Variants in RIMS1 observed in about 807,000 individuals in gnomAD.
RIMS1 encodes the protein regulating synaptic membrane exocytosis 1.
A neutral mutation model predicts 214.1 loss-of-function variants in RIMS1; 83 were observed. The ratio of observed to expected loss-of-function variants is 0.39; its 90% CI spans 0.32 to 0.47. RIMS1 has a LOEUF of 0.47. Among genes scored for constraint, RIMS1 ranks in the 20% least tolerant of loss-of-function variants. The probability of loss-of-function intolerance (pLI) is 0.99; values close to 1 mark genes in which losing one functional copy is unlikely to be tolerated. For synonymous variants in RIMS1, 793 were observed against 786.8 expected (o/e 1.01, Z -0.13); for missense variants, 2,050 against 2,161.8 (o/e 0.95, Z 1.03).
chr6:72,262,952 A>G (rs2078722446), intron 19 of RIMS1: 1 of 475,640 alleles, frequency 2.1e-6, no homozygotes, highest in Non-Finnish European at 2.7e-6. Flanking sequence ...GACAATAATT[A>G]TATGTTATGA....
In RIMS1 at chr6:72,284,079, A is replaced by G. The variant is rs772247587; in HGVS notation, c.3515A>G (p.Gln1172Arg). 1.2e-6 allele frequency: 2 copies of G among 1,612,440 alleles called. No individual in the cohort carries two copies. The highest frequency in any genetic ancestry group is 2.2e-5 in the East Asian group (1 of 44,840). ...AGAAAGTCTGAAAGATCTAGCATCCAAAAACAGACTAGGAAAGGCACTGCC... is the reference window on the plus strand; with the variant it reads ...AGAAAGTCTGAAAGATCTAGCATCCGAAAACAGACTAGGAAAGGCACTGCC... ...HSRKSERSSIQKQTRKGTASD... is the reference protein window; with the variant it reads ...HSRKSERSSIRKQTRKGTASD... The change falls in exon 24 of 34, where the codon CAA becomes CGA. Residue 1172 changes from glutamine to arginine, a missense_variant. Physicochemically the swap from Gln to Arg is conservative, Grantham distance 43 (BLOSUM62 1). Around this residue, in one of 6 missense-constraint regions of RIMS1, gnomAD observed 889 missense variants for 885.5 expected, o/e 1.00. Transcript: ENST00000521978.
At chr6:72,139,056 A>G (rs573001663) in intron 4 of RIMS1, among the ~76,000 whole-genome samples, 6 of 152,348 alleles carry the variant, frequency 3.9e-5, no homozygotes, top group African/African-American at 7.2e-5. Context: ...TTATATGTAT[A>G]TATATGTAGA....
intron 2 of RIMS1, among the ~76,000 whole-genome samples, chr6:72,088,977 GAT>G (rs1348007396): frequency 6.6e-6 from 1 of 151,616 alleles, no homozygotes; most frequent in Non-Finnish European, 1.5e-5. Context: ...AGGGGAGAGA[GAT>G]AAAATGGAAA....
intron 6 of RIMS1, among the ~76,000 whole-genome samples, chr6:72,193,650 A>G (rs2050410971): frequency 6.6e-6 from 1 of 152,196 alleles, no homozygotes; most frequent in African/African-American, 2.4e-5. Context: ...AAGTTACTTA[A>G]CTTCCATAAA....
chr6:72,088,607 T>G (rs1835329328), intron 2 of RIMS1, among the ~76,000 whole-genome samples: 1 of 152,206 alleles, frequency 6.6e-6, no homozygotes, highest in South Asian at 2.1e-4. Flanking sequence ...GAATTCATGT[T>G]GCTCTCATAG....
chr6:72,385,285 G>T (rs926958761), intron 29 of RIMS1, among the ~76,000 whole-genome samples: 1 of 151,934 alleles, frequency 6.6e-6, no homozygotes, highest in Admixed American at 6.6e-5. Flanking sequence ...TATTTTAATG[G>T]ACTATATTGA....
At chr6:71,942,881 A>G (rs888525957) in intron 1 of RIMS1, among the ~76,000 whole-genome samples, 3 of 152,098 alleles carry the variant, frequency 2.0e-5, no homozygotes, top group Non-Finnish European at 2.9e-5. Flanking sequence ...AAAAATGTGT[A>G]CAAATATTAA....
chr6:72,368,279 T>C (rs2154397758), intron 29 of RIMS1, among the ~76,000 whole-genome samples: 1 of 150,080 alleles, frequency 6.7e-6, no homozygotes, highest in East Asian at 1.9e-4. Context: ...CAGTACAGAA[T>C]CAGTGTTGTC....
intron 4 of RIMS1, among the ~76,000 whole-genome samples, chr6:72,119,504 TAGAAAAG>T (rs1200254171): frequency 6.6e-6 from 1 of 151,654 alleles, no homozygotes; most frequent in African/African-American, 2.4e-5. Context: ...AAGCAACACT[TAGAAAAG>T]AGAACAAATC....
At position 72,398,866 on chromosome 6, in the gene RIMS1, T is replaced by C. The variant is rs191807786; in HGVS notation, c.4721-89T>C. The C allele has an allele frequency of 2.7e-3, 2,043 of 759,654 alleles. 17 individuals are homozygous for C. Among genetic ancestry groups the C allele is most frequent in the South Asian group, 0.012 (559 of 47,452 alleles). The allele number at this position is 759,654 out of a possible 1,614,324, so 47.1% of individuals were successfully genotyped here. A position where few individuals can be genotyped will look rare whatever the true frequency, so the allele number is the denominator to read the frequency against. On this transcript the variant is annotated intron_variant, in intron 32 of 33. Coordinates refer to ENST00000521978, the MANE Select transcript of RIMS1 (RefSeq NM_014989.7). ...GTCAATGGGAAACTTTCAGTAAGCA[T>C]CTCTAATTCTCTAATAGGGAATTCT...
At chr6:72,055,644 T>C (rs1163653866) in intron 2 of RIMS1, among the ~76,000 whole-genome samples, 1 of 152,068 alleles carries the variant, frequency 6.6e-6, no homozygotes, top group Admixed American at 6.6e-5. Context: ...GCCATGGGTT[T>C]TTCATAGATG....
chr6:71,998,345 T>G (rs1226575309), intron 2 of RIMS1, among the ~76,000 whole-genome samples: 1 of 152,164 alleles, frequency 6.6e-6, no homozygotes, highest in African/African-American at 2.4e-5. Context: ...GGAGCTTTCC[T>G]GGTGCCTTCA....
intron 19 of RIMS1, chr6:72,263,006 A>G (rs976509002): frequency 7.1e-6 from 5 of 704,876 alleles, no homozygotes; most frequent in Non-Finnish European, 8.7e-6. Flanking sequence ...AAGCTACGAA[A>G]GTTTATTTTA....
intron 27 of RIMS1, 128 bp from the exon 28 acceptor site, chr6:72,313,378 G>C: frequency 1.5e-6 from 1 of 688,344 alleles, no homozygotes; most frequent in Non-Finnish European, 2.4e-6. Flanking sequence ...GATTATTTTA[G>C]ATATTACAGC....
At chr6:72,246,000 A>G (rs954083921) in intron 11 of RIMS1, 139 bp downstream of exon 11, 8 of 572,182 alleles carry the variant, frequency 1.4e-5, no homozygotes, top group Non-Finnish European at 2.1e-5. Flanking sequence ...GATGTTGGCA[A>G]TGATGGCAAT....
At chr6:72,279,179 A>C (rs2154208395) in intron 23 of RIMS1, among the ~76,000 whole-genome samples, 1 of 152,126 alleles carries the variant, frequency 6.6e-6, no homozygotes, top group East Asian at 1.9e-4. Context: ...CCTAACTGAA[A>C]TTAGTTATTG....
At chr6:72,236,282 G>C (rs2063989472) in intron 8 of RIMS1, among the ~76,000 whole-genome samples, 1 of 152,136 alleles carries the variant, frequency 6.6e-6, no homozygotes. Context: ...CTCAGACTTT[G>C]ATAGTCTTAT....
At chr6:71,993,970 T>G (rs1392785042) in intron 2 of RIMS1, among the ~76,000 whole-genome samples, 1 of 152,204 alleles carries the variant, frequency 6.6e-6, no homozygotes, top group African/African-American at 2.4e-5. Flanking sequence ...ATAGTCAATA[T>G]TCTCACTGTG....
At chr6:72,282,082 G>T (rs2090391534) in intron 23 of RIMS1, among the ~76,000 whole-genome samples, 1 of 151,772 alleles carries the variant, frequency 6.6e-6, no homozygotes, top group Non-Finnish European at 1.5e-5. Context: ...AAGTTTTGTG[G>T]GTCTTCCTGA....
Sources: allele counts gnomAD v4.1 joint callset (sites outside exome capture counted in the v4.1 genomes callset), GRCh38; gene constraint gnomAD v4.1.1; regional missense constraint gnomAD v4.1.1; transcripts MANE v1.5; gene names NCBI Gene and HGNC (gene_info 2026-07-23, HGNC 2026-07-21).